USP8: variants seen among roughly 807,000 people sequenced by gnomAD.
The protein encoded by USP8 is ubiquitin carboxyl-terminal hydrolase 8.
Under a neutral mutation model 130.0 loss-of-function variants are expected in USP8, and 27 were observed. The observed-to-expected ratio is 0.21, with a 90% CI of 0.15 to 0.29. USP8 has a LOEUF of 0.29. Ranked by LOEUF, USP8 falls within the 10% of genes least tolerant of loss-of-function variation. The probability of loss-of-function intolerance (pLI) is 1.00; values close to 1 mark genes in which losing one functional copy is unlikely to be tolerated. For synonymous variants in USP8, 392 were observed against 444.1 expected (o/e 0.88, Z 1.48); for missense variants, 1,029 against 1,312.2 (o/e 0.78, Z 3.33).
rs977877630 is a variant in USP8 at position 50,510,853 on chromosome 15, T to C, written c.*11765T>C. On this transcript the variant is annotated 3_prime_UTR_variant, in exon 20 of 20. Coordinates refer to ENST00000307179, the MANE Select transcript of USP8 (RefSeq NM_005154.5). ...GTGCAGTGGCGCTATCTCGGCTCACTGCAAGCTCCGCCTCCTGGGTTCACG... is the reference window on the plus strand; with the variant it reads ...GTGCAGTGGCGCTATCTCGGCTCACCGCAAGCTCCGCCTCCTGGGTTCACG... The C allele has an allele frequency of 6.6e-6, 1 of 152,150 alleles. No homozygotes were observed. Among genetic ancestry groups the C allele is most frequent in the Non-Finnish European group, 1.5e-5 (1 of 68,040 alleles). The allele number at this position is 152,150 out of a possible 1,614,324, so 9.4% of individuals were successfully genotyped here. A position where few individuals can be genotyped will look rare whatever the true frequency, so the allele number is the denominator to read the frequency against.
chr15:50,449,320 A>G (rs1379247301), intron 3 of USP8, 80 bp from the exon 4 acceptor site: 2 of 848,346 alleles, frequency 2.4e-6, no homozygotes, highest in African/African-American at 3.5e-5. Context: ...TATAAGCACC[A>G]TGATTTTAAT....
intron 1 of USP8, among the ~76,000 whole-genome samples, chr15:50,428,274 G>A (rs534975210): frequency 7.9e-5 from 12 of 152,130 alleles, no homozygotes; most frequent in East Asian, 1.9e-4. Context: ...ATGCCGCCAC[G>A]CCCAGCTAAT....
chr15:50,475,606 CTTAT>C (rs768334194), intron 8 of USP8, among the ~76,000 whole-genome samples: 1 of 150,832 alleles, frequency 6.6e-6, no homozygotes, highest in Non-Finnish European at 1.5e-5. Context: ...TATTTATTTA[CTTAT>C]TTATTTTTCG....
chr15:50,478,559 G>A (rs554620824), intron 10 of USP8, among the ~76,000 whole-genome samples: 1 of 152,180 alleles, frequency 6.6e-6, no homozygotes, highest in South Asian at 2.1e-4. Context: ...TTTTAGTATT[G>A]CAGAATAAAT....
At chr15:50,491,491 T>C (rs1021734666) in intron 14 of USP8, among the ~76,000 whole-genome samples, 4 of 152,198 alleles carry the variant, frequency 2.6e-5, no homozygotes, top group Non-Finnish European at 5.9e-5. Context: ...AATTTGATAA[T>C]GTTTTAAGGA....
chr15:50,464,737 C>T lies in USP8; in HGVS notation c.542-310C>T, dbSNP rs148522021. ...CCAGGCGTGGTAACAGCCTGTGTTC[C>T]CAGCTACTCAGGAGGCTGAGGCAGG... On this transcript the variant is annotated intron_variant, in intron 6 of 19. Coordinates refer to ENST00000307179, the MANE Select transcript of USP8 (RefSeq NM_005154.5). Among the ~76,000 whole-genome samples, 578 of 152,224 alleles carry T rather than the reference C, an allele frequency of 3.8e-3. 9 individuals are homozygous for T. Among genetic ancestry groups the T allele is most frequent in the Admixed American group, 0.02 (308 of 15,284 alleles).
chr15:50,466,893 G>T, intron 7 of USP8: 1 of 412,400 alleles, frequency 2.4e-6, no homozygotes. Context: ...CAAAGTGAAA[G>T]GACCAGTTCA....
chr15:50,468,671 A>G (rs1269734708), intron 7 of USP8, among the ~76,000 whole-genome samples: 1 of 152,052 alleles, frequency 6.6e-6, no homozygotes. Flanking sequence ...TCAGTACCCA[A>G]TAGTTATCTT....
At chr15:50,439,952 G>T (rs1389667583) in intron 2 of USP8, among the ~76,000 whole-genome samples, 1 of 152,114 alleles carries the variant, frequency 6.6e-6, no homozygotes, top group Non-Finnish European at 1.5e-5. Context: ...ACTTGGCATG[G>T]TGGCATAGGC....
At chr15:50,480,596 A>G (rs79398188) in intron 10 of USP8, among the ~76,000 whole-genome samples, 46 of 152,308 alleles carry the variant, frequency 3.0e-4, no homozygotes, top group African/African-American at 1.0e-3. Context: ...AACAGCTGAT[A>G]GACCTAAGTT....
chr15:50,488,395 T>C (rs922093103), intron 12 of USP8, among the ~76,000 whole-genome samples: 1 of 152,062 alleles, frequency 6.6e-6, no homozygotes, highest in African/African-American at 2.4e-5. Context: ...CATGTTTGTA[T>C]TCAACAGAAT....
chr15:50,499,858 G>A lies in USP8; in HGVS notation c.*770G>A, dbSNP rs191179631. ...AAAACCATAGATTTTATATACACACGTGCTATATAATAACACCCAGAGTCA... is the reference window on the plus strand; with the variant it reads ...AAAACCATAGATTTTATATACACACATGCTATATAATAACACCCAGAGTCA... On this transcript the variant is annotated 3_prime_UTR_variant, in exon 20 of 20. Coordinates refer to ENST00000307179, the MANE Select transcript of USP8 (RefSeq NM_005154.5). 4 of 151,954 alleles carry A rather than the reference G, an allele frequency of 2.6e-5. No individual in the cohort carries two copies. The highest frequency in any genetic ancestry group is 1.3e-4 in the Admixed American group (2 of 15,232). The allele number at this position is 151,954 out of a possible 1,614,324, so 9.4% of individuals were successfully genotyped here.
At chr15:50,491,216 A>G (rs2052148729) in intron 14 of USP8, among the ~76,000 whole-genome samples, 1 of 152,184 alleles carries the variant, frequency 6.6e-6, no homozygotes, top group Admixed American at 6.5e-5. Flanking sequence ...CAATAGGTGG[A>G]AGTATAAATA....
In USP8 at chr15:50,476,979, A is replaced by C; in HGVS notation, c.980A>C (p.Glu327Ala). The change falls in exon 9 of 20, where the codon GAG (glutamate) becomes GCG (alanine). Residue 327 changes from glutamate (E) to alanine (A), a missense_variant. Physicochemically the swap from Glu to Ala is moderately radical, Grantham distance 107 (BLOSUM62 -1). This residue lies in a region of USP8 where 486 missense variants were observed against 522.0 expected (regional missense o/e 0.93). Coordinates refer to ENST00000307179, the MANE Select transcript of USP8 (RefSeq NM_005154.5). ...VTPPPRRQNEEVSISLDFTYP... is the reference protein window; with the variant it reads ...VTPPPRRQNEAVSISLDFTYP... The stretch of plus-strand genomic sequence containing the variant: ...CCACCCCCACGACGCCAGAATGAAG[A>C]GGTGTCTATCTCATGTATGTATGTG... The C allele has an allele frequency of 6.2e-7, 1 of 1,606,842 alleles. No individual in the cohort carries two copies. The highest frequency in any genetic ancestry group is 2.2e-5 in the East Asian group (1 of 44,822).
intron 4 of USP8, among the ~76,000 whole-genome samples, chr15:50,455,945 T>C (rs1320044112): frequency 6.6e-6 from 1 of 152,192 alleles, no homozygotes; most frequent in East Asian, 1.9e-4. Context: ...CTGCCTTAGG[T>C]GTGAAACCAT....
In USP8 at chr15:50,508,834, TA is replaced by T. The variant is rs35117732; in HGVS notation, c.*9757del. The T allele has an allele frequency of 0.31, 44,221 of 144,056 alleles. 6,665 individuals carry two copies. The highest frequency in any genetic ancestry group is 0.5 in the East Asian group (2,462 of 4,956). The allele number at this position is 144,056 out of a possible 1,614,324, so 8.9% of individuals were successfully genotyped here. On this transcript the variant is annotated 3_prime_UTR_variant, in exon 20 of 20. Transcript: ENST00000307179. ...GCAACATGGCAAAACCCCGTCTCTATAAAAAAAAAAAGAGTACAGGCCAGGC... is the reference window on the plus strand; with the variant it reads ...GCAACATGGCAAAACCCCGTCTCTATAAAAAAAAAAGAGTACAGGCCAGGC...
At chr15:50,495,488 G>GC (rs1358060851) in intron 16 of USP8, among the ~76,000 whole-genome samples, 4 of 148,484 alleles carry the variant, frequency 2.7e-5, no homozygotes, top group Non-Finnish European at 5.9e-5. Context: ...GAGATTGGAG[G>GC]GGGGGGTCTC....
intron 1 of USP8, among the ~76,000 whole-genome samples, chr15:50,437,640 T>C (rs1156960001): frequency 6.6e-6 from 1 of 152,244 alleles, no homozygotes; most frequent in African/African-American, 2.4e-5. Flanking sequence ...GCACTGACAT[T>C]GAAACATTGC....
Position 50,500,021 on chromosome 15 carries a change from T to TAA in USP8, c.*935_*936dup. 1 of 152,236 alleles carries TAA rather than the reference T, an allele frequency of 6.6e-6. No homozygotes were observed. Among genetic ancestry groups the TAA allele is most frequent in the African/African-American group, 2.4e-5 (1 of 41,546 alleles). The allele number at this position is 152,236 out of a possible 1,614,324, so 9.4% of individuals were successfully genotyped here. On this transcript the variant is annotated 3_prime_UTR_variant, in exon 20 of 20. Transcript: ENST00000307179. ...TTACAGAGTGATGTATTAAGAGGGTTAAAGGAGCTTATAATTTATTTAACC... is the reference window on the plus strand; with the variant it reads ...TTACAGAGTGATGTATTAAGAGGGTTAAAAAGGAGCTTATAATTTATTTAACC...
Sources: allele counts gnomAD v4.1 joint callset (sites outside exome capture counted in the v4.1 genomes callset), GRCh38; gene constraint gnomAD v4.1.1; regional missense constraint gnomAD v4.1.1; transcripts MANE v1.5; gene names NCBI Gene and HGNC (gene_info 2026-07-23, HGNC 2026-07-21).